The following TMIGD3 variants were observed in gnomAD, a reference collection of about 807,000 sequenced individuals.
TMIGD3 encodes the protein AD026 protein (AD026).
Under a neutral mutation model 28.1 loss-of-function variants are expected in TMIGD3, and 21 were observed. That is an observed-to-expected ratio of 0.75 (90% confidence interval 0.53 to 1.08). The LOEUF (loss-of-function observed/expected upper bound fraction) is 1.08. TMIGD3 is among the 50% of genes least tolerant of loss of function. The pLI, the probability that TMIGD3 is intolerant of heterozygous loss-of-function variation, is 0.00. For synonymous variants in TMIGD3, 151 were observed against 162.1 expected, an observed-to-expected ratio of 0.93 and a Z score of 0.52; for missense variants, 416 against 435.6, an observed-to-expected ratio of 0.96 and a Z score of 0.40.
chr1:111,546,799 G>T (rs1239510865), intron 1 of TMIGD3, among the ~76,000 whole-genome samples: 1 of 152,096 alleles, frequency 6.6e-6, no homozygotes, highest in Non-Finnish European at 1.5e-5. Flanking sequence ...AAATAGAATT[G>T]CTGGATCATA....
intron 1 of TMIGD3, among the ~76,000 whole-genome samples, chr1:111,526,465 G>GT (rs1283891638): frequency 2.6e-5 from 4 of 152,148 alleles, no homozygotes; most frequent in Non-Finnish European, 5.9e-5. Flanking sequence ...TGCCATGATT[G>GT]TAAGTTTCCT....
intron 1 of TMIGD3, among the ~76,000 whole-genome samples, chr1:111,548,505 T>C (rs1657121794): frequency 6.6e-6 from 1 of 152,232 alleles, no homozygotes; most frequent in African/African-American, 2.4e-5. Flanking sequence ...CTGGGCACAA[T>C]GGTTTTGGCA....
chr1:111,560,387 TAA>T (rs765962100), intron 1 of TMIGD3, among the ~76,000 whole-genome samples: 5 of 151,794 alleles, frequency 3.3e-5, no homozygotes, highest in Non-Finnish European at 7.4e-5. Flanking sequence ...TGATATTCAC[TAA>T]GTTCTTAACA....
chr1:111,521,127 T>C (rs1280798347), intron 1 of TMIGD3, among the ~76,000 whole-genome samples: 1 of 152,176 alleles, frequency 6.6e-6, no homozygotes, highest in African/African-American at 2.4e-5. Flanking sequence ...GGTTCATTCA[T>C]TGTTAATGTT....
chr1:111,509,168 G>A (rs527478043), intron 1 of TMIGD3, among the ~76,000 whole-genome samples: 5 of 152,248 alleles, frequency 3.3e-5, no homozygotes, highest in South Asian at 4.1e-4. Flanking sequence ...GATGAGAATG[G>A]GGAAGACCAG....
intron 1 of TMIGD3, chr1:111,500,132 C>A: frequency 6.2e-7 from 1 of 1,614,084 alleles, no homozygotes; most frequent in Non-Finnish European, 8.5e-7. Flanking sequence ...AGCTGTGGTA[C>A]CTCACCATTA....
intron 1 of TMIGD3, among the ~76,000 whole-genome samples, chr1:111,562,999 C>A (rs562723083): frequency 6.6e-6 from 1 of 152,254 alleles, no homozygotes; most frequent in African/African-American, 2.4e-5. Flanking sequence ...TCACAACAGC[C>A]TTTTATAAAT....
At chr1:111,524,871 C>T (rs1356651865) in intron 1 of TMIGD3, among the ~76,000 whole-genome samples, 1 of 152,066 alleles carries the variant, frequency 6.6e-6, no homozygotes, top group African/African-American at 2.4e-5. Flanking sequence ...CTGCCTGACT[C>T]GGCCTCCCAA....
At chr1:111,551,177 T>C (rs1657243397) in intron 1 of TMIGD3, among the ~76,000 whole-genome samples, 1 of 152,232 alleles carries the variant, frequency 6.6e-6, no homozygotes, top group African/African-American at 2.4e-5. Flanking sequence ...GATCATGTTT[T>C]TTTTTGAAAT....
intron 1 of TMIGD3, among the ~76,000 whole-genome samples, chr1:111,555,783 A>G (rs1657464016): frequency 6.6e-6 from 1 of 152,204 alleles, no homozygotes. Context: ...AAAGGCCTAA[A>G]CATAAGAATT....
At chr1:111,538,238 A>T (rs1557840855) in intron 1 of TMIGD3, among the ~76,000 whole-genome samples, 2 of 152,188 alleles carry the variant, frequency 1.3e-5, no homozygotes, top group African/African-American at 4.8e-5. Flanking sequence ...TATGATGGAC[A>T]AGATCCTGTG....
At chr1:111,508,799 G>T (rs1053599820) in intron 1 of TMIGD3, among the ~76,000 whole-genome samples, 14 of 152,210 alleles carry the variant, frequency 9.2e-5, no homozygotes, top group African/African-American at 1.9e-4. Flanking sequence ...TGAATGACCT[G>T]CTCAGGATCA....
At chr1:111,557,481 A>T (rs1657545041) in intron 1 of TMIGD3, among the ~76,000 whole-genome samples, 1 of 151,714 alleles carries the variant, frequency 6.6e-6, no homozygotes, top group Non-Finnish European at 1.5e-5. Flanking sequence ...ACCCAGGAGG[A>T]GGAGGTTGCA....
Position 111,494,828 on chromosome 1 carries a change from C to G in TMIGD3, c.351-4066G>C, listed in dbSNP as rs530177668. Among the ~76,000 whole-genome samples the G allele has an allele frequency of 3.3e-5, 5 of 152,162 alleles. No individual in the cohort carries two copies. The East Asian group carries it at 5.8e-4, about 18-fold the overall frequency. ...AGACCAATGGAATAGAATGGAGAAC[C>G]CACAAGTAAAGCTACACACCTACAA... On this transcript the variant is annotated intron_variant, in intron 1 of 5. Transcript: ENST00000369716.
At chr1:111,510,997 G>T (rs1420807874) in intron 1 of TMIGD3, among the ~76,000 whole-genome samples, 1 of 152,214 alleles carries the variant, frequency 6.6e-6, no homozygotes, top group African/African-American at 2.4e-5. Flanking sequence ...TTTAGGAAAT[G>T]CTTCCTTAGG....
intron 1 of TMIGD3, among the ~76,000 whole-genome samples, chr1:111,491,497 C>T (rs1173518284): frequency 6.6e-6 from 1 of 152,206 alleles, no homozygotes; most frequent in Non-Finnish European, 1.5e-5. Flanking sequence ...TATCACATCC[C>T]AGAGCCAGCA....
intron 1 of TMIGD3, among the ~76,000 whole-genome samples, chr1:111,535,107 G>T (rs1656593963): frequency 6.6e-6 from 1 of 152,162 alleles, no homozygotes; most frequent in Non-Finnish European, 1.5e-5. Flanking sequence ...AGGTGATCAA[G>T]AGAATAACAC....
intron 1 of TMIGD3, among the ~76,000 whole-genome samples, chr1:111,532,709 A>G (rs911464838): frequency 2.6e-5 from 4 of 152,208 alleles, no homozygotes; most frequent in Admixed American, 2.6e-4. Flanking sequence ...GAGCCCCTGA[A>G]AGGGGTGATG....
At chr1:111,533,175 T>C (rs1343200234) in intron 1 of TMIGD3, among the ~76,000 whole-genome samples, 1 of 152,142 alleles carries the variant, frequency 6.6e-6, no homozygotes, top group Middle Eastern at 3.2e-3. Flanking sequence ...AATACTTCAT[T>C]TTTGTACGTG....
Sources: gnomAD v4.1 joint callset for allele counts (sites outside exome capture counted in the v4.1 genomes callset) on GRCh38, gnomAD v4.1.1 for gene constraint, MANE v1.5 for transcripts, NCBI Gene and HGNC (gene_info 2026-07-23, HGNC 2026-07-21) for gene names.